Variants in KIAA1217 observed in about 807,000 individuals in gnomAD.
The protein encoded by KIAA1217 is sickle tail protein homolog.
KIAA1217 carries 88 observed loss-of-function variants against 163.9 expected under a neutral mutation model. The ratio of observed to expected loss-of-function variants is 0.54; its 90% confidence interval spans 0.45 to 0.64. The LOEUF is 0.64. Among genes scored for constraint, KIAA1217 ranks in the 30% least tolerant of loss-of-function variants. The probability of loss-of-function intolerance (pLI) is 0.00; values close to 1 mark genes in which losing one functional copy is unlikely to be tolerated. For synonymous variants in KIAA1217, 903 were observed against 923.1 expected, an observed-to-expected ratio of 0.98 and a Z score of 0.39; for missense variants, 2,372 against 2,475.0, an observed-to-expected ratio of 0.96 and a Z score of 0.88.
intron 2 of KIAA1217, among the ~76,000 whole-genome samples, chr10:24,061,337 A>G (rs1211727238): frequency 2.0e-5 from 3 of 152,148 alleles, no homozygotes; most frequent in Non-Finnish European, 1.5e-5. Context: ...ATCTATTTAT[A>G]TTGTATATCC....
chr10:23,910,565 G>T (rs181469639), intron 1 of KIAA1217, among the ~76,000 whole-genome samples: 1 of 152,216 alleles, frequency 6.6e-6, no homozygotes, highest in Non-Finnish European at 1.5e-5. Context: ...TTAAGAACAG[G>T]ACTCTCAGTT....
intron 1 of KIAA1217, among the ~76,000 whole-genome samples, chr10:24,001,183 T>A (rs188806114): frequency 6.6e-6 from 1 of 152,322 alleles, no homozygotes; most frequent in African/African-American, 2.4e-5. Flanking sequence ...TTACATAATA[T>A]AATCACTGTC....
intron 2 of KIAA1217, among the ~76,000 whole-genome samples, chr10:24,084,818 G>C (rs2061642754): frequency 6.6e-6 from 1 of 151,956 alleles, no homozygotes; most frequent in Non-Finnish European, 1.5e-5. Flanking sequence ...CAGATTCACT[G>C]CCGACAAGCC....
chr10:24,184,564 G>A (rs185846715), intron 2 of KIAA1217, among the ~76,000 whole-genome samples: 1 of 152,318 alleles, frequency 6.6e-6, no homozygotes, highest in Admixed American at 6.5e-5. Flanking sequence ...CAGTCCTCAA[G>A]TATATGTTAT....
chr10:23,870,648 A>G (rs141177067), intron 1 of KIAA1217, among the ~76,000 whole-genome samples: 35 of 152,192 alleles, frequency 2.3e-4, no homozygotes, highest in Non-Finnish European at 4.9e-4. Flanking sequence ...TCTCATAACA[A>G]CGCAGTGAAG....
intron 2 of KIAA1217, among the ~76,000 whole-genome samples, chr10:24,040,616 G>A (rs180750452): frequency 4.6e-5 from 7 of 152,302 alleles, no homozygotes; most frequent in East Asian, 1.9e-4. Context: ...ATTTGCAAAC[G>A]TGGTGGTTCA....
Position 24,524,762 on chromosome 10 carries a change from G to A in KIAA1217, c.2896G>A (p.Glu966Lys), listed in dbSNP as rs149399813. Residue 966 changes from glutamate (E) to lysine (K), a missense_variant and splice_region_variant, in exon 13 of 21, where the codon GAG becomes AAG. Transcript: ENST00000376454. ...TGCCAAGAACAGGGCAGTGTCTATC[G>A]AGGTAGAGTCCTATTTCTGTTTCTC... ...VSAKNRAVSI[E>K]KAEKKWEEKR... 48 of 1,583,028 alleles carry A rather than the reference G, an allele frequency of 3.0e-5. No homozygotes were observed. Among genetic ancestry groups the A allele is most frequent in the African/African-American group, 5.4e-5 (4 of 74,240 alleles).
rs747450641 is a variant in KIAA1217 at position 24,209,226 on chromosome 10, G to T, written c.33G>T (p.Pro11=). 1 of 1,613,862 alleles carries T rather than the reference G, an allele frequency of 6.2e-7. No individual in the cohort carries two copies. Among genetic ancestry groups the T allele is most frequent in the Non-Finnish European group, 8.5e-7 (1 of 1,179,910 alleles). Residue 11 remains proline, a synonymous_variant, in exon 1 of 21, where the codon CCG becomes CCT. Transcript: ENST00000376454. MEENESQKCE[P]CLPYSADRRQ... ...AAAATGAAAGCCAGAAATGTGAGCC[G>T]TGCCTTCCTTACTCAGCAGACAGAA...
Position 24,274,235 on chromosome 10 carries a change from A to G in KIAA1217, c.354+54326A>G, listed in dbSNP as rs185834686. On this transcript the variant is annotated intron_variant, in intron 2 of 20. Transcript: ENST00000376454. ...ATATTGCCATTGCTGGCCAGGCACAATGGCTCACACCTATAATCCCAGCAT... is the reference window on the plus strand; with the variant it reads ...ATATTGCCATTGCTGGCCAGGCACAGTGGCTCACACCTATAATCCCAGCAT... Among the ~76,000 whole-genome samples the G allele has an allele frequency of 3.9e-5, 6 of 152,276 alleles. No homozygotes were observed. The East Asian group carries it at 9.7e-4, about 25-fold the overall frequency.
chr10:24,370,672 T>G lies in KIAA1217; in HGVS notation c.355-10197T>G, dbSNP rs560735305. 1.2e-4 allele frequency among the ~76,000 whole-genome samples: 18 copies of G among 152,242 alleles called. No individual in the cohort carries two copies. The South Asian group carries it at 3.5e-3, about 30-fold the overall frequency. On this transcript the variant is annotated intron_variant, in intron 2 of 20. Coordinates refer to ENST00000376454, the MANE Select transcript of KIAA1217 (RefSeq NM_019590.5). ...TGCATAGCTCACTGCAGCCTTGAAC[T>G]GCCAGGTTCAAGGGATCCTCCCACC...
intron 2 of KIAA1217, among the ~76,000 whole-genome samples, chr10:24,109,670 T>C (rs568847235): frequency 5.7e-4 from 86 of 151,852 alleles, no homozygotes; most frequent in African/African-American, 2.0e-3. Context: ...AAAGGAAGAA[T>C]GGTGAAAGGA....
At chr10:24,032,570 C>G (rs1848232070) in intron 2 of KIAA1217, among the ~76,000 whole-genome samples, 1 of 152,120 alleles carries the variant, frequency 6.6e-6, no homozygotes, top group Admixed American at 6.6e-5. Context: ...TTTTCCTCCT[C>G]AGAACTATGT....
chr10:23,843,196 C>G (rs1838870964), intron 1 of KIAA1217, among the ~76,000 whole-genome samples: 1 of 152,252 alleles, frequency 6.6e-6, no homozygotes, highest in Non-Finnish European at 1.5e-5. Context: ...GTGGTAGAAT[C>G]ATGCTATGGC....
At chr10:24,527,493 G>A (rs1190508835) in intron 13 of KIAA1217, among the ~76,000 whole-genome samples, 1 of 135,676 alleles carries the variant, frequency 7.4e-6, no homozygotes. Flanking sequence ...AGAACCCATT[G>A]CTACTTAAAA....
chr10:23,904,635 T>G (rs1842078913), intron 1 of KIAA1217, among the ~76,000 whole-genome samples: 1 of 152,098 alleles, frequency 6.6e-6, no homozygotes, highest in Non-Finnish European at 1.5e-5. Context: ...TACTTCCACC[T>G]GGAAGTGACA....
At chr10:23,884,957 T>C (rs1841107074) in intron 1 of KIAA1217, among the ~76,000 whole-genome samples, 1 of 151,900 alleles carries the variant, frequency 6.6e-6, no homozygotes, top group Admixed American at 6.6e-5. Flanking sequence ...TTAAACACAA[T>C]TGTTCGGAGT....
intron 1 of KIAA1217, among the ~76,000 whole-genome samples, chr10:23,738,482 T>C (rs1444308675): frequency 2.0e-5 from 3 of 152,232 alleles, no homozygotes; most frequent in African/African-American, 7.2e-5. Flanking sequence ...TCTACAATTA[T>C]AAATTGATTT....
At chr10:24,491,977 G>A (rs10508678) in intron 6 of KIAA1217, among the ~76,000 whole-genome samples, 14,223 of 151,538 alleles carry the variant, frequency 0.094, 961 homozygotes, top group East Asian at 0.16. Context: ...GCCTAGGATT[G>A]AAGAAAAGCA....
At chr10:23,768,521 C>T (rs1834645237) in intron 1 of KIAA1217, among the ~76,000 whole-genome samples, 2 of 152,208 alleles carry the variant, frequency 1.3e-5, no homozygotes, top group South Asian at 4.1e-4. Flanking sequence ...ATTTCCTGTG[C>T]TACTCTTGTC....
Sources: allele counts gnomAD v4.1 joint callset (sites outside exome capture counted in the v4.1 genomes callset), GRCh38; gene constraint gnomAD v4.1.1; transcripts MANE v1.5; gene names NCBI Gene and HGNC (gene_info 2026-07-23, HGNC 2026-07-21).